Variants in CNTNAP2 observed in about 807,000 individuals in gnomAD.
CNTNAP2 encodes contactin associated protein 2.
CNTNAP2 carries 98 observed loss-of-function variants against 155.2 expected under a neutral mutation model. The observed-to-expected ratio is 0.63, with a 90% confidence interval of 0.54 to 0.75. The LOEUF is 0.75. Ranked by LOEUF, CNTNAP2 falls within the 30% of genes least tolerant of loss-of-function variation. CNTNAP2 has a pLI of 0.00. For missense variants in CNTNAP2, 1,727 were observed against 1,688.1 expected (o/e 1.02, Z -0.40); for synonymous variants, 651 against 631.2 (o/e 1.03, Z -0.47).
At chr7:148,214,572 T>C (rs988163673) in intron 18 of CNTNAP2, among the ~76,000 whole-genome samples, 2 of 152,176 alleles carry the variant, frequency 1.3e-5, no homozygotes, top group Admixed American at 1.3e-4. Context: ...TTTTTATTTT[T>C]ATGTATTTAT....
At chr7:148,214,858 C>T (rs904905234) in intron 18 of CNTNAP2, among the ~76,000 whole-genome samples, 4 of 152,168 alleles carry the variant, frequency 2.6e-5, no homozygotes, top group East Asian at 1.9e-4. Context: ...CGAGAGCCAC[C>T]GCGCCCCGCC....
At chr7:146,595,828 G>A (rs945975950) in intron 1 of CNTNAP2, among the ~76,000 whole-genome samples, 1 of 152,022 alleles carries the variant, frequency 6.6e-6, no homozygotes, top group African/African-American at 2.4e-5. Context: ...GCTCGAACCT[G>A]GTTTTCAACA....
chr7:147,993,602 T>A (rs1465570236), intron 15 of CNTNAP2, among the ~76,000 whole-genome samples: 1 of 152,180 alleles, frequency 6.6e-6, no homozygotes, highest in Non-Finnish European at 1.5e-5. Flanking sequence ...ACTTAGGGGT[T>A]GAGAAAGAGA....
At chr7:146,757,778 CAT>C (rs1039692357) in intron 1 of CNTNAP2, among the ~76,000 whole-genome samples, 5 of 152,024 alleles carry the variant, frequency 3.3e-5, no homozygotes, top group African/African-American at 4.8e-5. Flanking sequence ...CATGAATATA[CAT>C]ATCTCATTTA....
At chr7:147,324,323 A>G (rs1446675064) in intron 9 of CNTNAP2, among the ~76,000 whole-genome samples, 1 of 152,216 alleles carries the variant, frequency 6.6e-6, no homozygotes, top group Admixed American at 6.5e-5. Context: ...CCATATTTTA[A>G]AAACTATTAG....
At chr7:148,010,007 C>A (rs1802048226) in intron 15 of CNTNAP2, among the ~76,000 whole-genome samples, 1 of 151,992 alleles carries the variant, frequency 6.6e-6, no homozygotes, top group African/African-American at 2.4e-5. Flanking sequence ...TTAGATATTT[C>A]CAAATTGTTT....
intron 1 of CNTNAP2, among the ~76,000 whole-genome samples, chr7:146,398,000 G>A (rs757036711): frequency 6.0e-5 from 9 of 151,128 alleles, no homozygotes; most frequent in East Asian, 2.0e-4. Flanking sequence ...CAGCCTCCCC[G>A]GTAGCTGGGA....
At chr7:146,504,158 C>A (rs1168404200) in intron 1 of CNTNAP2, among the ~76,000 whole-genome samples, 1 of 152,254 alleles carries the variant, frequency 6.6e-6, no homozygotes, top group South Asian at 2.1e-4. Context: ...TACGCTCCAC[C>A]CTCTAGGCTA....
chr7:146,404,501 A>T (rs1044754365), intron 1 of CNTNAP2, among the ~76,000 whole-genome samples: 5 of 152,120 alleles, frequency 3.3e-5, no homozygotes, highest in Admixed American at 1.3e-4. Flanking sequence ...TTCCTAACTG[A>T]TTTCTCCATC....
At chr7:147,667,629 G>T (rs74679063) in intron 13 of CNTNAP2, among the ~76,000 whole-genome samples, 1,661 of 152,014 alleles carry the variant, frequency 0.011, 36 homozygotes, top group African/African-American at 0.039. Flanking sequence ...GCTTATTGTT[G>T]GTGATGGTCC....
At position 147,140,022 on chromosome 7, in the gene CNTNAP2, G is replaced by C. The variant is rs548062889; in HGVS notation, c.1348+7513G>C. On this transcript the variant is annotated intron_variant, in intron 8 of 23. Transcript: ENST00000361727. ...AACCTGAGCTCAGACCCTACTTCTG[G>C]GAACTGAAATTCTGTGCTATTTCTG... Among the ~76,000 whole-genome samples, 4 of 151,978 alleles carry C rather than the reference G, an allele frequency of 2.6e-5. No individual in the cohort carries two copies. In the South Asian group the frequency reaches 8.3e-4, roughly 32 times the overall value.
chr7:147,692,115 T>A (rs1796095528), intron 13 of CNTNAP2, among the ~76,000 whole-genome samples: 1 of 152,148 alleles, frequency 6.6e-6, no homozygotes, highest in Non-Finnish European at 1.5e-5. Flanking sequence ...TCATACAGTA[T>A]TGCCTTTTCA....
chr7:147,041,393 G>A (rs931415748), intron 3 of CNTNAP2, among the ~76,000 whole-genome samples: 2 of 152,140 alleles, frequency 1.3e-5, no homozygotes, highest in African/African-American at 4.8e-5. Context: ...TTAAGTCCTA[G>A]AGAGGCTACC....
At chr7:147,933,358 A>G (rs1800541485) in intron 14 of CNTNAP2, among the ~76,000 whole-genome samples, 1 of 152,156 alleles carries the variant, frequency 6.6e-6, no homozygotes, top group African/African-American at 2.4e-5. Flanking sequence ...AATCTTAAAG[A>G]GATATATGGA....
intron 1 of CNTNAP2, among the ~76,000 whole-genome samples, chr7:146,170,995 C>T (rs534847120): frequency 2.8e-4 from 42 of 152,120 alleles, no homozygotes; most frequent in Non-Finnish European, 4.6e-4. Flanking sequence ...CCATTGCACA[C>T]CAGCCTAGGC....
intron 15 of CNTNAP2, 63 bp from the exon 16 acceptor site, chr7:148,118,055 C>T: frequency 1.3e-6 from 2 of 1,555,326 alleles, no homozygotes; most frequent in African/African-American, 1.4e-5. Context: ...CAATGGGTAT[C>T]TGTTACATGA....
intron 13 of CNTNAP2, among the ~76,000 whole-genome samples, chr7:147,701,216 C>A (rs1339117975): frequency 1.3e-5 from 2 of 152,088 alleles, no homozygotes; most frequent in East Asian, 3.9e-4. Context: ...ATTTCTCTTC[C>A]CTTGCCTTCA....
chr7:147,875,889 C>T (rs188395472), intron 13 of CNTNAP2, among the ~76,000 whole-genome samples: 3 of 152,116 alleles, frequency 2.0e-5, no homozygotes, highest in Admixed American at 6.5e-5. Flanking sequence ...GGTAACAACA[C>T]AATTAAGGAG....
chr7:146,659,562 T>C (rs575794363), intron 1 of CNTNAP2, among the ~76,000 whole-genome samples: 12 of 152,296 alleles, frequency 7.9e-5, no homozygotes, highest in African/African-American at 1.2e-4. Flanking sequence ...GATGGTTTAG[T>C]TGGCAGCTAA....
Sources: allele counts gnomAD v4.1 joint callset (sites outside exome capture counted in the v4.1 genomes callset), GRCh38; gene constraint gnomAD v4.1.1; transcripts MANE v1.5; gene names NCBI Gene and HGNC (gene_info 2026-07-23, HGNC 2026-07-21).